Variants in DHRS7B observed in about 807,000 individuals in gnomAD.
The protein encoded by DHRS7B is dehydrogenase/reductase 7B, also known as peroxisomal reductase activating PPAR-gamma.
A neutral mutation model predicts 26.4 loss-of-function variants in DHRS7B; 24 were observed. That is an observed-to-expected ratio of 0.91 (90% confidence interval 0.66 to 1.28). The LOEUF (loss-of-function observed/expected upper bound fraction) is 1.28, where lower values mean the gene tolerates loss of function less well. DHRS7B is among the 50% of genes most tolerant of loss of function. The pLI is 0.00. For missense variants in DHRS7B, 368 were observed against 419.4 expected (o/e 0.88, Z 1.07); for synonymous variants, 142 against 166.4 (o/e 0.85, Z 1.13).
At chr17:21,160,084 G>C (rs1344090279) in intron 1 of DHRS7B, among the ~76,000 whole-genome samples, 1 of 152,074 alleles carries the variant, frequency 6.6e-6, no homozygotes, top group Non-Finnish European at 1.5e-5. Flanking sequence ...GGCCTGGCGT[G>C]GTGGCTCACG....
At chr17:21,145,580 T>C (rs1973625724) in intron 1 of DHRS7B, among the ~76,000 whole-genome samples, 1 of 152,230 alleles carries the variant, frequency 6.6e-6, no homozygotes, top group Non-Finnish European at 1.5e-5. Context: ...AAATTTAAAC[T>C]ACAGATGGTT....
Position 21,166,344 on chromosome 17 carries a change from CTGCCG to C in DHRS7B, c.21-5671_21-5667del, listed in dbSNP as rs1266109655. The stretch of plus-strand genomic sequence containing the variant: ...CTGAAAATACACCCCACAGGCCACT[CTGCCG>C]TGGCTTGTTCAGGCATTCCAGGGAG... On this transcript the variant is annotated intron_variant, in intron 1 of 6. Transcript: ENST00000395511. The C allele has an allele frequency of 9.1e-6, 9 of 985,336 alleles. No individual in the cohort carries two copies. The African/African-American group carries it at 1.2e-4, about 13-fold the overall frequency. 61.0% of individuals were successfully genotyped at this position (985,336 alleles called of 1,614,324 possible).
At chr17:21,146,542 A>T (rs1973647916) in intron 1 of DHRS7B, among the ~76,000 whole-genome samples, 2 of 152,216 alleles carry the variant, frequency 1.3e-5, no homozygotes, top group African/African-American at 4.8e-5. Context: ...AAAGGCACTC[A>T]CTTAGTATGA....
At chr17:21,153,580 CTG>C (rs1219223542) in intron 1 of DHRS7B, among the ~76,000 whole-genome samples, 1 of 152,096 alleles carries the variant, frequency 6.6e-6, no homozygotes, top group Admixed American at 6.5e-5. Flanking sequence ...GTCCTGTAGA[CTG>C]TGTAATTTAT....
At chr17:21,187,625 C>T (rs1265691669) in intron 5 of DHRS7B, among the ~76,000 whole-genome samples, 5 of 109,820 alleles carry the variant, frequency 4.6e-5, no homozygotes, top group Admixed American at 9.5e-5. Flanking sequence ...CAGAGCGAGA[C>T]TCTGTCTCAA....
At chr17:21,138,359 G>C (rs918724534) in intron 1 of DHRS7B, among the ~76,000 whole-genome samples, 5 of 150,820 alleles carry the variant, frequency 3.3e-5, no homozygotes, top group African/African-American at 1.2e-4. Flanking sequence ...GAGTAGCTGG[G>C]ACTGCAGGCT....
intron 5 of DHRS7B, among the ~76,000 whole-genome samples, chr17:21,184,707 G>A (rs555480336): frequency 2.0e-5 from 3 of 152,120 alleles, no homozygotes; most frequent in Non-Finnish European, 4.4e-5. Flanking sequence ...AGTGTAAATG[G>A]AGACAGCCTC....
At chr17:21,170,562 T>C (rs909448921) in intron 1 of DHRS7B, among the ~76,000 whole-genome samples, 4 of 152,226 alleles carry the variant, frequency 2.6e-5, no homozygotes, top group African/African-American at 9.6e-5. Flanking sequence ...TGGCAGTTGA[T>C]GGGAAACTGT....
intron 3 of DHRS7B, 148 bp downstream of exon 3, chr17:21,178,490 AACCGGGCCC>A: frequency 6.2e-6 from 4 of 649,668 alleles, no homozygotes; most frequent in South Asian, 1.9e-5. Context: ...CTCCATAGCG[AACCGGGCCC>A]ACTGCATAGG....
At chr17:21,146,589 AAT>A (rs1973649197) in intron 1 of DHRS7B, among the ~76,000 whole-genome samples, 1 of 152,250 alleles carries the variant, frequency 6.6e-6, no homozygotes, top group South Asian at 2.1e-4. Flanking sequence ...TGGTTCCAAC[AAT>A]AGTTTGCTAT....
chr17:21,191,363 A>C lies in DHRS7B; in HGVS notation c.*210A>C. 1 of 582,934 alleles carries C rather than the reference A, an allele frequency of 1.7e-6. No individual in the cohort carries two copies. Among genetic ancestry groups the C allele is most frequent in the South Asian group, 2.1e-5 (1 of 48,276 alleles). 36.1% of individuals were successfully genotyped at this position (582,934 alleles called of 1,614,324 possible). The stretch of plus-strand genomic sequence containing the variant: ...CAGGGTGAGGGGAAACACTTAAGGA[A>C]TAAATATGGAGCTGGGGTTTAACAC... On this transcript the variant is annotated 3_prime_UTR_variant, in exon 7 of 7. Coordinates refer to ENST00000395511, the MANE Select transcript of DHRS7B (RefSeq NM_015510.5).
chr17:21,178,260 G>C lies in DHRS7B; in HGVS notation c.227G>C (p.Gly76Ala). The C allele has an allele frequency of 6.2e-7, 1 of 1,614,226 alleles. No homozygotes were observed. The highest frequency in any genetic ancestry group is 8.5e-7 in the Non-Finnish European group (1 of 1,180,044). ...KECAKVFYAA[G>A]AKLVLCGRNG... ...TGTGCAAAAGTCTTCTATGCTGCGG[G>C]TGCTAAACTGGTGCTCTGTGGCCGG... Residue 76 changes from glycine to alanine, a missense_variant, in exon 3 of 7, where the codon GGT becomes GCT. Transcript: ENST00000395511.
intron 2 of DHRS7B, among the ~76,000 whole-genome samples, chr17:21,174,014 C>T (rs1450771202): frequency 6.6e-6 from 1 of 152,148 alleles, no homozygotes; most frequent in Non-Finnish European, 1.5e-5. Context: ...AGATGTCAGG[C>T]CCTTCCTGGA....
intron 1 of DHRS7B, among the ~76,000 whole-genome samples, chr17:21,141,449 AAAAC>A (rs1210236524): frequency 3.3e-5 from 5 of 152,014 alleles, no homozygotes; most frequent in South Asian, 4.2e-4. Context: ...ACAAATAGCA[AAAAC>A]AAACACACAC....
At chr17:21,178,151 C>T (rs1446141894) in intron 2 of DHRS7B, 82 bp from the exon 3 acceptor site, 8 of 1,332,806 alleles carry the variant, frequency 6.0e-6, no homozygotes, top group Non-Finnish European at 7.5e-6. Context: ...GGGTGTGAAG[C>T]AGCAAACAGC....
intron 1 of DHRS7B, among the ~76,000 whole-genome samples, chr17:21,151,948 T>G (rs1973781111): frequency 6.6e-6 from 1 of 152,198 alleles, no homozygotes; most frequent in African/African-American, 2.4e-5. Context: ...GATCTGGCTG[T>G]GTAAAAGTTT....
intron 1 of DHRS7B, chr17:21,128,871 C>CT (rs1276461019): frequency 9.8e-6 from 1 of 102,012 alleles, no homozygotes; most frequent in East Asian, 2.7e-4. Context: ...GAGACTCCGT[C>CT]TTAAAAAAAA....
chr17:21,161,729 C>T (rs1247733509), intron 1 of DHRS7B, among the ~76,000 whole-genome samples: 1 of 152,088 alleles, frequency 6.6e-6, no homozygotes, highest in Non-Finnish European at 1.5e-5. Flanking sequence ...ACAGCCGTGT[C>T]CTCAGGAAAT....
intron 1 of DHRS7B, among the ~76,000 whole-genome samples, chr17:21,156,451 A>G (rs1049459437): frequency 8.6e-5 from 13 of 150,798 alleles, no homozygotes; most frequent in Middle Eastern, 3.2e-3. Context: ...ACAAAAATAC[A>G]AAAGTTAGCC....
Sources: allele counts gnomAD v4.1 joint callset (sites outside exome capture counted in the v4.1 genomes callset), GRCh38; gene constraint gnomAD v4.1.1; transcripts MANE v1.5; gene names NCBI Gene and HGNC (gene_info 2026-07-23, HGNC 2026-07-21).